FGF2: variants seen among roughly 807,000 people sequenced by gnomAD.
FGF2 encodes basic fibroblast growth factor bFGF.
FGF2 carries 13 observed loss-of-function variants against 15.9 expected under a neutral mutation model. That is an observed-to-expected ratio of 0.82 (90% CI 0.53 to 1.30). The LOEUF is 1.30. FGF2 is among the 50% of genes most tolerant of loss of function. The pLI, the probability that FGF2 is intolerant of heterozygous loss-of-function variation, is 0.00. For synonymous variants in FGF2, 90 were observed against 78.4 expected (o/e 1.15, Z -0.78); for missense variants, 163 against 196.9 (o/e 0.83, Z 1.03).
chr4:122,830,578 T>G (rs1725743151), intron 1 of FGF2, among the ~76,000 whole-genome samples: 2 of 152,170 alleles, frequency 1.3e-5, no homozygotes, highest in Non-Finnish European at 2.9e-5. Flanking sequence ...TTCTCCAGCA[T>G]GTGCGCTGCA....
At position 122,893,103 on chromosome 4, in the gene FGF2, T is replaced by A. The variant is rs1390077505; in HGVS notation, c.*707T>A. On this transcript the variant is annotated 3_prime_UTR_variant, in exon 3 of 3. Coordinates refer to ENST00000644866, the MANE Select transcript of FGF2 (RefSeq NM_001361665.2). The stretch of plus-strand genomic sequence containing the variant: ...AATGAATATGGCTTTAGGCGGCAGA[T>A]GATATACATATCTGACTTCCCAAAA... The A allele has an allele frequency of 6.2e-7, 1 of 1,614,008 alleles. No individual in the cohort carries two copies.
intron 1 of FGF2, among the ~76,000 whole-genome samples, chr4:122,856,588 T>G (rs1473568148): frequency 6.6e-6 from 1 of 152,246 alleles, no homozygotes; most frequent in Non-Finnish European, 1.5e-5. Context: ...AAGCTAGAAG[T>G]AGAGACTTTG....
At chr4:122,871,977 C>T (rs1288182480) in intron 1 of FGF2, among the ~76,000 whole-genome samples, 1 of 152,062 alleles carries the variant, frequency 6.6e-6, no homozygotes, top group African/African-American at 2.4e-5. Flanking sequence ...TCCAAATGAT[C>T]GCAATGTCTC....
Position 122,827,046 on chromosome 4 carries a change from G to C in FGF2, c.-129G>C. 1 of 1,126,264 alleles carries C rather than the reference G, an allele frequency of 8.9e-7. No individual in the cohort carries two copies. The highest frequency in any genetic ancestry group is 4.3e-5 in the South Asian group (1 of 23,410). 69.8% of individuals were successfully genotyped at this position (1,126,264 alleles called of 1,614,324 possible). A position where few individuals can be genotyped will look rare whatever the true frequency, so the allele number is the denominator to read the frequency against. Reference sequence around the variant, plus strand: ...CGGGCGCGGCCGCGCGCTGCCGGGCGGGAGGCTGGGGGGCCGGGGCCGGGG... The same window carrying C: ...CGGGCGCGGCCGCGCGCTGCCGGGCCGGAGGCTGGGGGGCCGGGGCCGGGG... On this transcript the variant is annotated 5_prime_UTR_variant, in exon 1 of 3. Coordinates refer to ENST00000644866, the MANE Select transcript of FGF2 (RefSeq NM_001361665.2). The surrounding 1 kb of genome is among the most constrained non-coding windows in gnomAD (Gnocchi z 4.2).
At position 122,897,768 on chromosome 4, in the gene FGF2, A is replaced by C. The variant is rs1389107949; in HGVS notation, c.*5372A>C. ...CACAAAATCCACCTATAATTGGTCA[A>C]AGTGGTTGAGAATATATTTTTTAGT... On this transcript the variant is annotated 3_prime_UTR_variant, in exon 3 of 3. Transcript: ENST00000644866. 8.1e-5 allele frequency: 73 copies of C among 901,648 alleles called. No homozygotes were observed. The East Asian group carries it at 1.5e-3, about 19-fold the overall frequency. 55.9% of individuals were successfully genotyped at this position (901,648 alleles called of 1,614,324 possible).
intron 1 of FGF2, among the ~76,000 whole-genome samples, chr4:122,840,028 A>G (rs761972781): frequency 2.0e-5 from 3 of 152,092 alleles, no homozygotes; most frequent in Non-Finnish European, 4.4e-5. Context: ...TTGTATGTCC[A>G]GGTTTCCTCT....
intron 1 of FGF2, among the ~76,000 whole-genome samples, chr4:122,855,528 G>A (rs1726321981): frequency 6.6e-6 from 1 of 152,162 alleles, no homozygotes; most frequent in Admixed American, 6.5e-5. Context: ...TCCATATGAA[G>A]ATACTGACTT....
intron 1 of FGF2, among the ~76,000 whole-genome samples, chr4:122,847,470 A>G (rs896357147): frequency 1.3e-5 from 2 of 152,128 alleles, no homozygotes; most frequent in African/African-American, 4.8e-5. Context: ...GAGTCTCATC[A>G]CAGAGGATGA....
At chr4:122,871,275 C>T (rs1010391143) in intron 1 of FGF2, among the ~76,000 whole-genome samples, 8 of 152,078 alleles carry the variant, frequency 5.3e-5, no homozygotes, top group African/African-American at 1.9e-4. Flanking sequence ...CCATGTGGTA[C>T]TGAGAAGAAT....
chr4:122,884,948 A>G (rs1229671676), intron 2 of FGF2, among the ~76,000 whole-genome samples: 1 of 152,178 alleles, frequency 6.6e-6, no homozygotes, highest in African/African-American at 2.4e-5. Flanking sequence ...CAGAGGAGGA[A>G]AGTGATGCCT....
chr4:122,833,121 A>C (rs1268712237), intron 1 of FGF2, among the ~76,000 whole-genome samples: 1 of 152,006 alleles, frequency 6.6e-6, no homozygotes, highest in African/African-American at 2.4e-5. Context: ...GCACAAGGTG[A>C]CTTTTGACTT....
intron 1 of FGF2, among the ~76,000 whole-genome samples, chr4:122,866,514 T>C (rs1014179749): frequency 6.6e-6 from 1 of 152,114 alleles, no homozygotes; most frequent in Non-Finnish European, 1.5e-5. Context: ...AATCTAAAAA[T>C]GAATCAAAGA....
At chr4:122,850,273 GAAA>G (rs956379832) in intron 1 of FGF2, among the ~76,000 whole-genome samples, 1 of 144,396 alleles carries the variant, frequency 6.9e-6, no homozygotes, top group African/African-American at 2.6e-5. Context: ...AAAAAAAAAA[GAAA>G]AAAAAAAGAT....
intron 1 of FGF2, among the ~76,000 whole-genome samples, chr4:122,856,308 A>G (rs1354896326): frequency 1.3e-5 from 2 of 152,172 alleles, no homozygotes; most frequent in Admixed American, 1.3e-4. Flanking sequence ...GGTTCCTTTC[A>G]GTGCTTTATC....
chr4:122,885,940 A>T (rs1421964375), intron 2 of FGF2, among the ~76,000 whole-genome samples: 1 of 93,030 alleles, frequency 1.1e-5, no homozygotes, highest in African/African-American at 4.9e-5. Context: ...TTTTTTTGAG[A>T]CAGGTTCTTG....
intron 1 of FGF2, among the ~76,000 whole-genome samples, chr4:122,836,642 G>A (rs1332197534): frequency 6.6e-6 from 1 of 152,062 alleles, no homozygotes; most frequent in African/African-American, 2.4e-5. Context: ...GGTCCTTTTG[G>A]CTTCATTGCT....
At chr4:122,843,722 T>C (rs926959557) in intron 1 of FGF2, among the ~76,000 whole-genome samples, 6 of 152,244 alleles carry the variant, frequency 3.9e-5, no homozygotes, top group East Asian at 3.8e-4. Flanking sequence ...ACATAAACTT[T>C]TTGGTTTCCT....
At chr4:122,890,694 C>G (rs1368729373) in intron 2 of FGF2, among the ~76,000 whole-genome samples, 1 of 152,056 alleles carries the variant, frequency 6.6e-6, no homozygotes, top group African/African-American at 2.4e-5. Context: ...ATCTTAGAAC[C>G]AAGGAATCTG....
At chr4:122,844,968 T>C (rs1394625083) in intron 1 of FGF2, among the ~76,000 whole-genome samples, 2 of 152,196 alleles carry the variant, frequency 1.3e-5, no homozygotes, top group African/African-American at 4.8e-5. Flanking sequence ...TTTACCCAGA[T>C]CCATTGGAGG....
Sources: gnomAD v4.1 joint callset for allele counts (sites outside exome capture counted in the v4.1 genomes callset) on GRCh38, gnomAD v4.1.1 for gene constraint, Gnocchi (gnomAD v3.1) non-coding constraint, MANE v1.5 for transcripts, NCBI Gene and HGNC (gene_info 2026-07-23, HGNC 2026-07-21) for gene names.